The following SHANK2 variants were observed in gnomAD, a reference collection of about 807,000 sequenced individuals.
The protein encoded by SHANK2 is SH3 and multiple ankyrin repeat domains protein 2.
In SHANK2, 43 loss-of-function variants were observed where a neutral mutation model predicts 133.7. That is an observed-to-expected ratio of 0.32 (90% CI 0.25 to 0.41). The LOEUF (loss-of-function observed/expected upper bound fraction) is 0.41. Ranked by LOEUF, SHANK2 falls within the 10% of genes least tolerant of loss-of-function variation. The pLI, the probability that SHANK2 is intolerant of heterozygous loss-of-function variation, is 1.00. For synonymous variants in SHANK2, 1,017 were observed against 952.8 expected, an observed-to-expected ratio of 1.07 and a Z score of -1.24; for missense variants, 1,994 against 2,235.8, an observed-to-expected ratio of 0.89 and a Z score of 2.18.
At chr11:70,928,395 G>A (rs1178330587) in intron 10 of SHANK2, among the ~76,000 whole-genome samples, 1 of 152,172 alleles carries the variant, frequency 6.6e-6, no homozygotes, top group Non-Finnish European at 1.5e-5. Context: ...GGCGCACCTG[G>A]CATGGATCAA....
At chr11:70,560,703 C>T (rs1017199235) in intron 17 of SHANK2, among the ~76,000 whole-genome samples, 9 of 151,792 alleles carry the variant, frequency 5.9e-5, no homozygotes, top group African/African-American at 2.2e-4. Flanking sequence ...ACGATCTCGG[C>T]TCACTGTGAC....
chr11:71,156,218 G>A (rs1555109083), intron 2 of SHANK2, among the ~76,000 whole-genome samples: 1 of 152,200 alleles, frequency 6.6e-6, no homozygotes, highest in African/African-American at 2.4e-5. Context: ...ATGGCAGCCT[G>A]AGCTGACTCC....
chr11:70,686,802 G>T (rs1476168066), intron 15 of SHANK2, among the ~76,000 whole-genome samples: 2 of 152,222 alleles, frequency 1.3e-5, no homozygotes, highest in Admixed American at 1.3e-4. Flanking sequence ...ACCAGGCTTT[G>T]GGCAGAGGCG....
At chr11:71,075,800 C>A (rs1276795896) in intron 8 of SHANK2, among the ~76,000 whole-genome samples, 1 of 152,198 alleles carries the variant, frequency 6.6e-6, no homozygotes. Flanking sequence ...TGCTTTAATG[C>A]AGTCCAGCTC....
intron 10 of SHANK2, among the ~76,000 whole-genome samples, chr11:70,932,835 C>A (rs1950520824): frequency 6.6e-6 from 1 of 151,670 alleles, no homozygotes; most frequent in African/African-American, 2.4e-5. Flanking sequence ...ATGGCTACTA[C>A]ATAGAAAAAA....
At chr11:71,099,185 G>A (rs1951677047) in intron 6 of SHANK2, among the ~76,000 whole-genome samples, 1 of 152,154 alleles carries the variant, frequency 6.6e-6, no homozygotes, top group Admixed American at 6.5e-5. Flanking sequence ...TCACCACCAA[G>A]AGGTGCCCAG....
At chr11:71,233,338 A>G (rs1954775228) in intron 1 of SHANK2, among the ~76,000 whole-genome samples, 2 of 152,224 alleles carry the variant, frequency 1.3e-5, no homozygotes, top group Non-Finnish European at 2.9e-5. Context: ...AACCTCGGTA[A>G]CACGATGCTA....
chr11:70,601,165 C>A (rs1245824663), intron 17 of SHANK2, among the ~76,000 whole-genome samples: 1 of 152,092 alleles, frequency 6.6e-6, no homozygotes, highest in Non-Finnish European at 1.5e-5. Context: ...GATTCTCATG[C>A]CTCAGCCTCC....
intron 17 of SHANK2, among the ~76,000 whole-genome samples, chr11:70,506,587 T>G (rs1554968432): frequency 2.0e-5 from 3 of 152,198 alleles, no homozygotes; most frequent in African/African-American, 7.2e-5. Context: ...CCAGAATCTG[T>G]CTCGCCCAGG....
Position 70,688,395 on chromosome 11 carries a change from C to G in SHANK2, c.1853+10293G>C, listed in dbSNP as rs117942731. Among the ~76,000 whole-genome samples, 1,379 of 152,240 alleles carry G rather than the reference C, an allele frequency of 9.1e-3. 10 individuals are homozygous for G. The highest frequency in any genetic ancestry group is 0.015 in the Non-Finnish European group (1,044 of 68,012). Reference sequence around the variant, plus strand: ...AAGGGGAAGTTGGCCGTGGCCAGGTCGGAGCACACCTAATTTCGTGCACCT... The same window carrying G: ...AAGGGGAAGTTGGCCGTGGCCAGGTGGGAGCACACCTAATTTCGTGCACCT... On this transcript the variant is annotated intron_variant, in intron 15 of 25. Coordinates refer to ENST00000601538, the MANE Select transcript of SHANK2 (RefSeq NM_012309.5).
At chr11:70,853,684 T>C (rs1468828124) in intron 11 of SHANK2, among the ~76,000 whole-genome samples, 11 of 152,216 alleles carry the variant, frequency 7.2e-5, no homozygotes, top group African/African-American at 1.9e-4. Flanking sequence ...GGAGCTGCCG[T>C]GACCGCTTAA....
chr11:70,575,043 C>A (rs2060098615), intron 17 of SHANK2, among the ~76,000 whole-genome samples: 1 of 152,150 alleles, frequency 6.6e-6, no homozygotes, highest in Admixed American at 6.5e-5. Context: ...GGGCACATTT[C>A]TGTTTCAAAG....
At chr11:71,200,998 GC>G (rs782748100) in intron 2 of SHANK2, among the ~76,000 whole-genome samples, 18 of 152,176 alleles carry the variant, frequency 1.2e-4, no homozygotes, top group Non-Finnish European at 2.4e-4. Flanking sequence ...CCTGCCACGG[GC>G]CCCGAGGATG....
At chr11:70,636,342 CGT>C (rs1182298171) in intron 17 of SHANK2, among the ~76,000 whole-genome samples, 11 of 151,592 alleles carry the variant, frequency 7.3e-5, no homozygotes, top group Middle Eastern at 3.4e-3. Flanking sequence ...TGTGTGAATG[CGT>C]GTTAGTACAT....
intron 11 of SHANK2, among the ~76,000 whole-genome samples, chr11:70,828,500 G>A (rs1308157641): frequency 6.6e-6 from 1 of 152,262 alleles, no homozygotes; most frequent in Non-Finnish European, 1.5e-5. Context: ...CAGAGTTCAT[G>A]CACCTCCTCG....
At chr11:70,947,132 AACACACACACACACACACACACACAC>A (rs144004521) in intron 10 of SHANK2, among the ~76,000 whole-genome samples, 12 of 126,586 alleles carry the variant, frequency 9.5e-5, no homozygotes, top group South Asian at 3.1e-4. Context: ...GCACCTCTCC[AACACACACACACACACACACACACAC>A]ACACACACAC....
chr11:70,655,069 A>T (rs1023846146), intron 17 of SHANK2, among the ~76,000 whole-genome samples: 4 of 152,012 alleles, frequency 2.6e-5, no homozygotes, highest in Admixed American at 6.5e-5. Context: ...CCTGTTTTTT[A>T]AAAAATTATT....
chr11:70,892,090 G>C (rs1481778607), intron 11 of SHANK2, among the ~76,000 whole-genome samples: 14 of 152,118 alleles, frequency 9.2e-5, no homozygotes, highest in African/African-American at 3.4e-4. Context: ...AGCTACAAAG[G>C]CTTCCCTCGG....
intron 14 of SHANK2, among the ~76,000 whole-genome samples, chr11:70,749,620 T>C (rs781833783): frequency 2.0e-5 from 3 of 152,204 alleles, no homozygotes; most frequent in Non-Finnish European, 2.9e-5. Flanking sequence ...TTAATGCCAC[T>C]ATTGTAACTA....
Sources: gnomAD v4.1 joint callset for allele counts (sites outside exome capture counted in the v4.1 genomes callset) on GRCh38, gnomAD v4.1.1 for gene constraint, MANE v1.5 for transcripts, NCBI Gene and HGNC (gene_info 2026-07-23, HGNC 2026-07-21) for gene names.